NFIA: variants seen among roughly 807,000 people sequenced by gnomAD.
NFIA encodes the protein nuclear factor I A.
In NFIA, 8 loss-of-function variants were observed where a neutral mutation model predicts 62.8. The ratio of observed to expected loss-of-function variants is 0.13; its 90% CI spans 0.07 to 0.23. The LOEUF is 0.23. NFIA is among the 10% of genes least tolerant of loss of function. NFIA has a pLI of 1.00. For missense variants in NFIA, 410 were observed against 642.1 expected, an observed-to-expected ratio of 0.64 and a Z score of 3.91; for synonymous variants, 235 against 238.1, an observed-to-expected ratio of 0.99 and a Z score of 0.12.
At position 61,088,662 on chromosome 1, in the gene NFIA, T is replaced by C. The variant is rs1646262549; in HGVS notation, c.541T>C (p.Tyr181His). 6.2e-7 allele frequency: 1 copy of C among 1,613,036 alleles called. No homozygotes were observed. ...SVKELDLYLA[Y>H]FVHAADSSQS... ...TAAGGAACTCGATTTATATTTGGCA[T>C]ACTTTGTGCATGCAGCAGGTAAGTG... The change falls in exon 2 of 11, where the codon TAC becomes CAC. Residue 181 changes from tyrosine (Y) to histidine (H), a missense_variant. Tyr to His is a moderately conservative substitution (Grantham distance 83). This residue lies in a region of NFIA where 298 missense variants were observed against 438.1 expected (regional missense o/e 0.68). Transcript: ENST00000403491. This position sits in a 1 kb window ranked among gnomAD's most constrained non-coding sequence, Gnocchi z 4.5.
At chr1:61,189,231 G>A (rs976765833) in intron 2 of NFIA, among the ~76,000 whole-genome samples, 1 of 152,158 alleles carries the variant, frequency 6.6e-6, no homozygotes, top group Non-Finnish European at 1.5e-5. Context: ...AGGACAAGGA[G>A]CCCTGAAGAT....
rs753346731 is a variant in NFIA, at chr1:61,082,716, C to T, written c.-76C>T. On this transcript the variant is annotated 5_prime_UTR_variant, in exon 1 of 11. Transcript: ENST00000403491. Reference sequence around the variant, plus strand: ...TCTCTCTTCCTCTCTCCCTCTTTCTCCTCTCTCACCCACACTCACGCACAC... The same window carrying T: ...TCTCTCTTCCTCTCTCCCTCTTTCTTCTCTCTCACCCACACTCACGCACAC... 4 of 1,547,008 alleles carry T rather than the reference C, an allele frequency of 2.6e-6. No homozygotes were observed. Among genetic ancestry groups the T allele is most frequent in the Admixed American group, 2.0e-5 (1 of 50,668 alleles).
At chr1:61,224,676 C>G (rs913829634) in intron 2 of NFIA, among the ~76,000 whole-genome samples, 2 of 152,164 alleles carry the variant, frequency 1.3e-5, no homozygotes, top group Admixed American at 6.5e-5. Context: ...GTGGGGGACT[C>G]TGTCTCAGAA....
intron 10 of NFIA, among the ~76,000 whole-genome samples, chr1:61,442,827 A>G (rs893364970): frequency 1.3e-5 from 2 of 152,202 alleles, no homozygotes; most frequent in African/African-American, 4.8e-5. Context: ...AGGCTGAGAA[A>G]CTTAAGATTG....
At chr1:61,382,015 C>G (rs1296006033) in intron 6 of NFIA, among the ~76,000 whole-genome samples, 1 of 152,130 alleles carries the variant, frequency 6.6e-6, no homozygotes, top group Non-Finnish European at 1.5e-5. Flanking sequence ...CCAAATAATT[C>G]TCTGGTCATG....
At chr1:61,082,230 AGAGCGAGCAAGCGAGCGAGCAAG>A, upstream of NFIA, 1 of 511,290 alleles carries the variant, frequency 2.0e-6, no homozygotes, top group Non-Finnish European at 3.3e-6. Context: ...AGCGAGCGGG[AGAGCGAGCAAGCGAGCGAGCAAG>A]GAGCGAGCCA....
At chr1:61,332,726 GT>G in intron 4 of NFIA, 140 bp downstream of exon 4, 1 of 629,560 alleles carries the variant, frequency 1.6e-6, no homozygotes, top group Non-Finnish European at 2.7e-6. Context: ...CACACAGTTT[GT>G]TTGACAACCA....
chr1:61,205,901 CTTTTTTTTT>C (rs199804398), intron 2 of NFIA, among the ~76,000 whole-genome samples: 1 of 122,538 alleles, frequency 8.2e-6, no homozygotes, highest in African/African-American at 3.1e-5. Context: ...TTTTGCAGCC[CTTTTTTTTT>C]TTTTTTTTTT....
rs537215945 is a variant in NFIA, at chr1:61,109,415, A to T, written c.559+20735A>T. 1.6e-3 allele frequency among the ~76,000 whole-genome samples: 238 copies of T among 152,052 alleles called. 4 individuals are homozygous for T. Among genetic ancestry groups the T allele is most frequent in the Non-Finnish European group, 1.2e-3 (82 of 67,840 alleles). On this transcript the variant is annotated intron_variant, in intron 2 of 10. Transcript: ENST00000403491. ...TTCAGAGATACCACAATAATCAATCATAGGAACTTGTCTCAGAGTGCCCAG... is the reference window on the plus strand; with the variant it reads ...TTCAGAGATACCACAATAATCAATCTTAGGAACTTGTCTCAGAGTGCCCAG...
intron 2 of NFIA, among the ~76,000 whole-genome samples, chr1:61,191,214 A>G (rs1045029706): frequency 6.6e-6 from 1 of 152,286 alleles, no homozygotes; most frequent in African/African-American, 2.4e-5. Flanking sequence ...CCCCTTGAGC[A>G]TTATTGAAAT....
chr1:61,349,230 C>T (rs6685820), intron 4 of NFIA, among the ~76,000 whole-genome samples: 7,432 of 151,982 alleles, frequency 0.049, 607 homozygotes, highest in African/African-American at 0.17. Flanking sequence ...CAAGCCTCAC[C>T]GTTTTTTTTT....
At chr1:61,168,326 T>C (rs150260835) in intron 2 of NFIA, among the ~76,000 whole-genome samples, 38 of 152,346 alleles carry the variant, frequency 2.5e-4, no homozygotes, top group African/African-American at 8.9e-4. Context: ...TGACACCTAC[T>C]TCTGCCTAAA....
intron 5 of NFIA, 59 bp downstream of exon 5, chr1:61,352,626 A>G: frequency 7.7e-7 from 1 of 1,290,724 alleles, no homozygotes; most frequent in Admixed American, 1.7e-5. Flanking sequence ...CCTTGATTTT[A>G]ACTCTGGGCC....
intron 2 of NFIA, among the ~76,000 whole-genome samples, chr1:61,257,587 T>A (rs1311877743): frequency 1.3e-5 from 2 of 152,014 alleles, no homozygotes; most frequent in Non-Finnish European, 2.9e-5. Context: ...ATCTGCCTAC[T>A]TTGGCCTCCC....
intron 3 of NFIA, among the ~76,000 whole-genome samples, chr1:61,287,642 C>T (rs551616911): frequency 1.3e-5 from 2 of 151,902 alleles, no homozygotes; most frequent in East Asian, 3.9e-4. Context: ...CGTGACAGAG[C>T]AAGACTGTCC....
chr1:61,386,234 G>A (rs17122091), intron 7 of NFIA, among the ~76,000 whole-genome samples: 3,552 of 152,284 alleles, frequency 0.023, 132 homozygotes, highest in African/African-American at 0.082. Flanking sequence ...AGGAGGAAGA[G>A]TATAGCTGCA....
intron 9 of NFIA, among the ~76,000 whole-genome samples, chr1:61,421,007 T>C (rs1302486587): frequency 6.6e-6 from 1 of 152,162 alleles, no homozygotes; most frequent in Non-Finnish European, 1.5e-5. Context: ...CCAGCTCCGT[T>C]CCCTGCCTCT....
intron 10 of NFIA, among the ~76,000 whole-genome samples, chr1:61,451,377 C>A (rs897207010): frequency 6.6e-6 from 1 of 152,148 alleles, no homozygotes; most frequent in Non-Finnish European, 1.5e-5. Context: ...AGTTGAATAC[C>A]TTAGAGACGC....
At chr1:61,424,078 A>G (rs1239270589) in intron 9 of NFIA, among the ~76,000 whole-genome samples, 1 of 152,118 alleles carries the variant, frequency 6.6e-6, no homozygotes, top group Admixed American at 6.6e-5. Flanking sequence ...TCAAATTTCT[A>G]GAAGCTCTGG....
Sources: allele counts gnomAD v4.1 joint callset (sites outside exome capture counted in the v4.1 genomes callset), GRCh38; gene constraint gnomAD v4.1.1; regional missense constraint gnomAD v4.1.1; non-coding constraint Gnocchi (gnomAD v3.1); transcripts MANE v1.5; gene names NCBI Gene and HGNC (gene_info 2026-07-23, HGNC 2026-07-21).